The following TRPM3 variants were observed in gnomAD, a reference collection of about 807,000 sequenced individuals.
TRPM3 encodes transient receptor potential cation channel subfamily M member 3, also known as long transient receptor potential channel 3.
In TRPM3, 77 loss-of-function variants were observed where a neutral mutation model predicts 181.2. The ratio of observed to expected loss-of-function variants is 0.42; its 90% confidence interval spans 0.35 to 0.51. The LOEUF is 0.51. TRPM3 is among the 20% of genes least tolerant of loss of function. The pLI, the probability that TRPM3 is intolerant of heterozygous loss-of-function variation, is 0.01. For missense variants in TRPM3, 1,759 were observed against 2,196.7 expected, an observed-to-expected ratio of 0.80 and a Z score of 3.98; for synonymous variants, 745 against 796.4, an observed-to-expected ratio of 0.94 and a Z score of 1.09.
At chr9:70,673,851 A>G (rs1644167266) in intron 9 of TRPM3, among the ~76,000 whole-genome samples, 1 of 150,714 alleles carries the variant, frequency 6.6e-6, no homozygotes, top group Non-Finnish European at 1.5e-5. Context: ...CGGGAGGCTG[A>G]GGCAAGAGAA....
intron 1 of TRPM3, among the ~76,000 whole-genome samples, chr9:71,236,776 G>C (rs565403717): frequency 4.6e-5 from 7 of 152,334 alleles, no homozygotes; most frequent in African/African-American, 1.7e-4. Context: ...GCTGGGTGCA[G>C]TGGCTCACGC....
rs561715950 is a variant in TRPM3 at position 70,533,724 on chromosome 9, C to T, written c.*2229G>A. On this transcript the variant is annotated 3_prime_UTR_variant, in exon 26 of 26. Transcript: ENST00000677713. ...TGTTTGCTGAGAGGGAAATAGCCAG[C>T]GTGGGGCCCAATAAAATGTTAAGTG... The T allele has an allele frequency of 1.3e-5, 2 of 151,978 alleles. No homozygotes were observed. The highest frequency in any genetic ancestry group is 1.3e-4 in the Admixed American group (2 of 15,264). The allele number at this position is 151,978 out of a possible 1,614,324, so 9.4% of individuals were successfully genotyped here. A position where few individuals can be genotyped will look rare whatever the true frequency, so the allele number is the denominator to read the frequency against.
intron 11 of TRPM3, among the ~76,000 whole-genome samples, chr9:70,636,119 A>G (rs546877320): frequency 3.5e-4 from 53 of 152,278 alleles, no homozygotes; most frequent in African/African-American, 1.2e-3. Context: ...AAACTGTTCA[A>G]CTCTGCTGTT....
intron 1 of TRPM3, among the ~76,000 whole-genome samples, chr9:71,397,733 C>T (rs932095928): frequency 7.2e-5 from 11 of 152,032 alleles, no homozygotes; most frequent in South Asian, 4.2e-4. Context: ...TCTAATATTA[C>T]GTTTATGCAG....
At chr9:70,881,337 C>T (rs1002245306) in intron 1 of TRPM3, among the ~76,000 whole-genome samples, 1 of 152,008 alleles carries the variant, frequency 6.6e-6, no homozygotes, top group Non-Finnish European at 1.5e-5. Flanking sequence ...CAATTTTCTT[C>T]GGATTACAAA....
intron 6 of TRPM3, among the ~76,000 whole-genome samples, chr9:70,815,822 G>A (rs994982326): frequency 3.3e-5 from 5 of 152,090 alleles, no homozygotes; most frequent in Admixed American, 2.0e-4. Flanking sequence ...ATTTTTCTAT[G>A]GAAGCTTAGC....
At chr9:70,639,714 A>T (rs1028350034) in intron 10 of TRPM3, among the ~76,000 whole-genome samples, 2 of 150,464 alleles carry the variant, frequency 1.3e-5, no homozygotes, top group African/African-American at 2.4e-5. Context: ...CAAAAACATA[A>T]CAAAACAGAA....
chr9:71,338,336 T>A (rs942509083), intron 1 of TRPM3, among the ~76,000 whole-genome samples: 1 of 152,128 alleles, frequency 6.6e-6, no homozygotes, highest in East Asian at 1.9e-4. Flanking sequence ...CCTGCTGGAA[T>A]AACGTTCAAC....
rs146350543 is a variant in TRPM3 at position 70,961,135 on chromosome 9, C to A, written c.178-96624G>T. On this transcript the variant is annotated intron_variant, in intron 1 of 25. Transcript: ENST00000677713. ...AAAGGTCCTTACAGAGGAAGGCAGGCGAGTAGGAGTCAGAGAGGAGATGTG... is the reference window on the plus strand; with the variant it reads ...AAAGGTCCTTACAGAGGAAGGCAGGAGAGTAGGAGTCAGAGAGGAGATGTG... 4.3e-3 allele frequency among the ~76,000 whole-genome samples: 652 copies of A among 152,026 alleles called. 7 individuals carry two copies. The highest frequency in any genetic ancestry group is 6.8e-3 in the Middle Eastern group (2 of 294).
rs1419244771 is a variant in TRPM3 at position 70,694,116 on chromosome 9, GT to G, written c.1273-12539del. Among the ~76,000 whole-genome samples, 4 of 152,262 alleles carry G rather than the reference GT, an allele frequency of 2.6e-5. No homozygotes were observed. The East Asian group carries it at 7.7e-4, about 29-fold the overall frequency. On this transcript the variant is annotated intron_variant, in intron 8 of 25. Coordinates refer to ENST00000677713, the MANE Select transcript of TRPM3 (RefSeq NM_001366145.2). The stretch of plus-strand genomic sequence containing the variant: ...CTCTGCCATGGAGGTCAGGGGAAAT[GT>G]TTTGGAAGAAAACATCCATTTCAGC...
chr9:71,176,567 T>C (rs973913781), intron 1 of TRPM3, among the ~76,000 whole-genome samples: 3 of 152,108 alleles, frequency 2.0e-5, no homozygotes, highest in Admixed American at 1.3e-4. Context: ...TAATTTATCA[T>C]TGAAAAAATA....
intron 8 of TRPM3, among the ~76,000 whole-genome samples, chr9:70,684,666 AC>A (rs2066317397): frequency 1.3e-5 from 2 of 152,304 alleles, no homozygotes; most frequent in African/African-American, 4.8e-5. Context: ...GATGGAAAAA[AC>A]AGGTATTCTT....
chr9:71,003,626 C>T (rs182938401), intron 1 of TRPM3, among the ~76,000 whole-genome samples: 1 of 152,080 alleles, frequency 6.6e-6, no homozygotes, highest in Admixed American at 6.5e-5. Context: ...GAATTTTTAC[C>T]AATCTGATAC....
rs554486653 is a variant in TRPM3 at position 71,410,758 on chromosome 9, T to C, written c.183+35895A>G. 1.1e-4 allele frequency among the ~76,000 whole-genome samples: 17 copies of C among 152,332 alleles called. No homozygotes were observed. In the East Asian group the frequency reaches 2.9e-3, roughly 26 times the overall value. On this transcript the variant is annotated intron_variant, in intron 1 of 24. Transcript: ENST00000357533. ...AGGGAATCCTCCCTAATTCATTTTA[T>C]GAGGCCAGCATCATCCTGATACCAA...
chr9:71,000,631 A>G (rs144836647), intron 1 of TRPM3, among the ~76,000 whole-genome samples: 1 of 152,352 alleles, frequency 6.6e-6, no homozygotes, highest in Non-Finnish European at 1.5e-5. Context: ...AACACAGTTC[A>G]CTGGTTAAAT....
intron 1 of TRPM3, among the ~76,000 whole-genome samples, chr9:71,239,656 C>A (rs2081552444): frequency 6.6e-6 from 1 of 152,038 alleles, no homozygotes; most frequent in South Asian, 2.1e-4. Flanking sequence ...AAACTCAGAA[C>A]ATAACTCAAT....
chr9:71,146,439 A>T (rs2075412455), intron 1 of TRPM3, among the ~76,000 whole-genome samples: 1 of 152,136 alleles, frequency 6.6e-6, no homozygotes, highest in Non-Finnish European at 1.5e-5. Context: ...TTAACTTGAG[A>T]TTCTGTTTCC....
chr9:71,324,962 G>A (rs2089553182), intron 1 of TRPM3, among the ~76,000 whole-genome samples: 1 of 152,000 alleles, frequency 6.6e-6, no homozygotes, highest in Non-Finnish European at 1.5e-5. Flanking sequence ...GGAGAGGAGG[G>A]AAGATGAAGA....
At chr9:70,925,257 T>C (rs1167774578) in intron 1 of TRPM3, among the ~76,000 whole-genome samples, 2 of 152,284 alleles carry the variant, frequency 1.3e-5, no homozygotes, top group African/African-American at 2.4e-5. Flanking sequence ...ATTATTAAAA[T>C]TGCTCAAACA....
Sources: allele counts gnomAD v4.1 joint callset (sites outside exome capture counted in the v4.1 genomes callset), GRCh38; gene constraint gnomAD v4.1.1; transcripts MANE v1.5; gene names NCBI Gene and HGNC (gene_info 2026-07-23, HGNC 2026-07-21).